The following FOXP1 variants were observed in gnomAD, a reference collection of about 807,000 sequenced individuals.
The protein encoded by FOXP1 is forkhead box P1, also known as forkhead box protein P1.
Under a neutral mutation model 98.2 loss-of-function variants are expected in FOXP1, and 15 were observed. The ratio of observed to expected loss-of-function variants is 0.15; its 90% CI spans 0.10 to 0.24. FOXP1 has a LOEUF of 0.24. Among genes scored for constraint, FOXP1 ranks in the 10% least tolerant of loss-of-function variants. The probability of loss-of-function intolerance (pLI) is 1.00; values close to 1 mark genes in which losing one functional copy is unlikely to be tolerated. For missense variants in FOXP1, 633 were observed against 848.5 expected (o/e 0.75, Z 3.15); for synonymous variants, 371 against 314.5 (o/e 1.18, Z -1.90).
chr3:71,561,579 G>A (rs1274149448), intron 2 of FOXP1, among the ~76,000 whole-genome samples: 1 of 152,162 alleles, frequency 6.6e-6, no homozygotes, highest in African/African-American at 2.4e-5. Flanking sequence ...AAATGGAGAT[G>A]CAAGTCTCTT....
chr3:71,295,895 G>A (rs1261006686), intron 5 of FOXP1, among the ~76,000 whole-genome samples: 2 of 152,178 alleles, frequency 1.3e-5, no homozygotes, highest in Admixed American at 6.5e-5. Flanking sequence ...CATTCTGGAT[G>A]ACCTTGGGTA....
At chr3:71,496,536 A>G (rs13076917) in intron 2 of FOXP1, among the ~76,000 whole-genome samples, 1 of 152,056 alleles carries the variant, frequency 6.6e-6, no homozygotes, top group Non-Finnish European at 1.5e-5. Flanking sequence ...ACAATACTCT[A>G]TGTGGCCGGC....
rs2032010987 is a variant in FOXP1 at position 70,957,078 on chromosome 3, C to G, written c.*2169G>C. The stretch of plus-strand genomic sequence containing the variant: ...AGAAATACTATTATGTAATCTAGTT[C>G]AATTATGGAAGCTTTTCTGTCCTGA... On this transcript the variant is annotated 3_prime_UTR_variant, in exon 21 of 21. Coordinates refer to ENST00000649528, the MANE Select transcript of FOXP1 (RefSeq NM_001349338.3). 2 of 222,262 alleles carry G rather than the reference C, an allele frequency of 9.0e-6. No homozygotes were observed. The highest frequency in any genetic ancestry group is 1.8e-5 in the Non-Finnish European group (2 of 111,472). The allele number at this position is 222,262 out of a possible 1,614,324, so 13.8% of individuals were successfully genotyped here.
Position 71,503,892 on chromosome 3 carries a change from T to C in FOXP1, c.-297-10337A>G, listed in dbSNP as rs187181366. Among the ~76,000 whole-genome samples, 137 of 152,266 alleles carry C rather than the reference T, an allele frequency of 9.0e-4. 1 individual carries two copies. Among genetic ancestry groups the C allele is most frequent in the African/African-American group, 3.1e-3 (130 of 41,534 alleles). On this transcript the variant is annotated intron_variant, in intron 2 of 20. Transcript: ENST00000649528. ...GTCAGGAGAAGGAGCCAAGGGCATT[T>C]GGAGGCAGCCACTATTCCTGACTTT...
At chr3:71,432,299 C>A (rs563957309) in intron 3 of FOXP1, among the ~76,000 whole-genome samples, 1 of 152,286 alleles carries the variant, frequency 6.6e-6, no homozygotes, top group South Asian at 2.1e-4. Flanking sequence ...TTGCTACTTT[C>A]CTGCACCCAT....
At chr3:71,449,009 C>T (rs1453578401) in intron 3 of FOXP1, among the ~76,000 whole-genome samples, 1 of 152,178 alleles carries the variant, frequency 6.6e-6, no homozygotes, top group Non-Finnish European at 1.5e-5. Flanking sequence ...ATGACCAGAC[C>T]TAACCCCAAA....
intron 6 of FOXP1, among the ~76,000 whole-genome samples, chr3:71,120,383 A>G (rs914966516): frequency 1.3e-5 from 2 of 152,232 alleles, no homozygotes; most frequent in African/African-American, 4.8e-5. Flanking sequence ...CATCCTCAAG[A>G]GTTCCAACAG....
At chr3:71,345,681 G>A (rs2077291670) in intron 4 of FOXP1, among the ~76,000 whole-genome samples, 1 of 151,862 alleles carries the variant, frequency 6.6e-6, no homozygotes, top group African/African-American at 2.4e-5. Context: ...AAAGAGAAGA[G>A]CTTCCCAAGA....
chr3:71,232,896 A>AAAAAAAAAAAG (rs2066431600), intron 5 of FOXP1, among the ~76,000 whole-genome samples: 7 of 135,564 alleles, frequency 5.2e-5, no homozygotes, highest in Non-Finnish European at 9.7e-5. Flanking sequence ...AAAAAAAAAA[A>AAAAAAAAAAAG]GCAAGAAAAA....
At chr3:71,549,506 CTGGGA>C (rs2045610160) in intron 2 of FOXP1, among the ~76,000 whole-genome samples, 1 of 152,216 alleles carries the variant, frequency 6.6e-6, no homozygotes, top group Admixed American at 6.5e-5. Context: ...TCCCAGGCAG[CTGGGA>C]TCACAGGCAT....
At chr3:71,017,669 A>T (rs1020867299) in intron 11 of FOXP1, among the ~76,000 whole-genome samples, 2 of 152,320 alleles carry the variant, frequency 1.3e-5, no homozygotes, top group East Asian at 3.9e-4. Flanking sequence ...TCACGTATCA[A>T]CTTAACTCTA....
chr3:71,569,949 A>AT (rs1274704783), intron 2 of FOXP1, among the ~76,000 whole-genome samples: 2 of 152,070 alleles, frequency 1.3e-5, no homozygotes, highest in South Asian at 2.1e-4. Flanking sequence ...CGCCCGGCTA[A>AT]TTTTTTAAAG....
intron 3 of FOXP1, among the ~76,000 whole-genome samples, chr3:71,432,687 C>T (rs375441584): frequency 3.5e-4 from 53 of 152,068 alleles, no homozygotes; most frequent in African/African-American, 1.0e-3. Flanking sequence ...TACTCATGAT[C>T]GCTTCACCCC....
At chr3:70,962,480 T>C (rs2033777834) in intron 20 of FOXP1, among the ~76,000 whole-genome samples, 1 of 152,328 alleles carries the variant, frequency 6.6e-6, no homozygotes, top group South Asian at 2.1e-4. Flanking sequence ...CAAGCATTAT[T>C]TGTGAAAAAT....
At chr3:71,121,350 T>C (rs1438852754) in intron 6 of FOXP1, among the ~76,000 whole-genome samples, 1 of 145,792 alleles carries the variant, frequency 6.9e-6, no homozygotes, top group South Asian at 2.3e-4. Context: ...AGGTAAAGGA[T>C]AGGATTTTCA....
intron 2 of FOXP1, among the ~76,000 whole-genome samples, chr3:71,575,719 C>G (rs990168596): frequency 6.6e-6 from 1 of 152,236 alleles, no homozygotes; most frequent in Admixed American, 6.5e-5. Flanking sequence ...CCAAGAATAT[C>G]TTTTAAAAAT....
intron 5 of FOXP1, among the ~76,000 whole-genome samples, chr3:71,216,039 G>A (rs2108483766): frequency 6.6e-6 from 1 of 152,338 alleles, no homozygotes; most frequent in Middle Eastern, 3.4e-3. Flanking sequence ...ACAAGTGGTT[G>A]ATTATTAGTG....
At chr3:71,271,046 T>C (rs1576686626) in intron 5 of FOXP1, among the ~76,000 whole-genome samples, 1 of 152,106 alleles carries the variant, frequency 6.6e-6, no homozygotes, top group Non-Finnish European at 1.5e-5. Flanking sequence ...GCTTGGCCAA[T>C]ATGGTGAAAC....
intron 7 of FOXP1, among the ~76,000 whole-genome samples, chr3:71,061,349 G>A (rs920100447): frequency 1.3e-5 from 2 of 152,136 alleles, no homozygotes; most frequent in East Asian, 1.9e-4. Flanking sequence ...GTAACTTGCA[G>A]TCTTACATGA....
Sources: allele counts gnomAD v4.1 joint callset (sites outside exome capture counted in the v4.1 genomes callset), GRCh38; gene constraint gnomAD v4.1.1; transcripts MANE v1.5; gene names NCBI Gene and HGNC (gene_info 2026-07-23, HGNC 2026-07-21).